SSC5D: variants seen among roughly 807,000 people sequenced by gnomAD.
SSC5D encodes soluble scavenger receptor cysteine-rich domain-containing protein SSC5D.
Under a neutral mutation model 104.6 loss-of-function variants are expected in SSC5D, and 106 were observed. The observed-to-expected ratio is 1.01, with a 90% confidence interval of 0.87 to 1.19. The LOEUF is 1.19. Among genes scored for constraint, SSC5D ranks in the 50% most tolerant of loss-of-function variants. The pLI is 0.00. For missense variants in SSC5D, 1,993 were observed against 2,153.8 expected, an observed-to-expected ratio of 0.93 and a Z score of 1.48; for synonymous variants, 860 against 883.5, an observed-to-expected ratio of 0.97 and a Z score of 0.47.
At chr19:55,498,343 CATA>C (rs1008089419) in intron 9 of SSC5D, 146 bp downstream of exon 9, 8 of 826,054 alleles carry the variant, frequency 9.7e-6, no homozygotes, top group African/African-American at 5.1e-5. Flanking sequence ...ATTGAAATCA[CATA>C]ATAAGTCTAG....
intron 12 of SSC5D, among the ~76,000 whole-genome samples, chr19:55,504,596 G>A (rs1187131221): frequency 1.3e-5 from 2 of 152,196 alleles, no homozygotes; most frequent in African/African-American, 4.8e-5. Flanking sequence ...TGCCTCCCAG[G>A]TTTAAACGAT....
Position 55,501,176 on chromosome 19 carries a change from A to G in SSC5D, c.2760A>G (p.Pro920=). The G allele has an allele frequency of 1.3e-6, 2 of 1,540,254 alleles. No individual in the cohort carries two copies. The highest frequency in any genetic ancestry group is 1.8e-6 in the Non-Finnish European group (2 of 1,142,312). The change falls in exon 12 of 14, where the codon CCA becomes CCG. Residue 920 remains proline, a synonymous_variant. Transcript: ENST00000389623. The part of the protein sequence containing the change: ...RTTRRPGSSS[P]AIRRLPDTGS... Reference sequence around the variant, plus strand: ...CCCGGCGCCCGGGTAGCTCCTCCCCAGCAATAAGGCGCCTGCCGGACACAG... The same window carrying G: ...CCCGGCGCCCGGGTAGCTCCTCCCCGGCAATAAGGCGCCTGCCGGACACAG...
intron 6 of SSC5D, chr19:55,492,014 C>T (rs1335497429): frequency 4.6e-5 from 7 of 152,722 alleles, no homozygotes; most frequent in Admixed American, 3.9e-4. Context: ...CAGTGGGTAT[C>T]CAGGGGGGAG....
chr19:55,498,336 G>A (rs1987383772), intron 9 of SSC5D, 139 bp downstream of exon 9: 2 of 850,510 alleles, frequency 2.4e-6, no homozygotes, highest in African/African-American at 1.7e-5. Flanking sequence ...TAACCACATT[G>A]AAATCACATA....
Position 55,518,530 on chromosome 19 carries a change from C to G in SSC5D, c.4254C>G (p.Pro1418=). Residue 1418 remains proline, a synonymous_variant, in exon 14 of 14, where the codon CCC becomes CCG. Transcript: ENST00000389623. ...TCAAGCCACCCAGAAGCCAGAGCCCCAACCTAACCCCTCCACCCACCCATA... is the reference window on the plus strand; with the variant it reads ...TCAAGCCACCCAGAAGCCAGAGCCCGAACCTAACCCCTCCACCCACCCATA... ...EDFKPPRSQS[P]NLTPPPTHTP... 1 of 1,550,428 alleles carries G rather than the reference C, an allele frequency of 6.4e-7. No individual in the cohort carries two copies. The highest frequency in any genetic ancestry group is 8.7e-7 in the Non-Finnish European group (1 of 1,146,710).
At chr19:55,497,732 C>A in intron 8 of SSC5D, 148 bp from the exon 9 acceptor site, 1 of 798,132 alleles carries the variant, frequency 1.3e-6, no homozygotes, top group Non-Finnish European at 1.9e-6. Flanking sequence ...TCATGAAATA[C>A]TTGCTGCCTG....
chr19:55,495,576 GTTA>G (rs369287304), intron 8 of SSC5D, among the ~76,000 whole-genome samples: 2 of 151,530 alleles, frequency 1.3e-5, no homozygotes, highest in African/African-American at 4.8e-5. Flanking sequence ...AAATATAGGT[GTTA>G]TTATTACTGA....
chr19:55,518,559 C>T lies in SSC5D; in HGVS notation c.4283C>T (p.Pro1428Leu). The T allele has an allele frequency of 6.5e-7, 1 of 1,548,274 alleles. No homozygotes were observed. Among genetic ancestry groups the T allele is most frequent in the Non-Finnish European group, 8.7e-7 (1 of 1,145,364 alleles). The change falls in exon 14 of 14, where the codon CCA (proline) becomes CTA (leucine). Residue 1428 changes from proline to leucine, a missense_variant. Pro to Leu is a moderately conservative substitution (Grantham distance 98, BLOSUM62 -3). Coordinates refer to ENST00000389623, the MANE Select transcript of SSC5D (RefSeq NM_001144950.2). ...PNLTPPPTHTPHSASDLTVSP... is the reference protein window; with the variant it reads ...PNLTPPPTHTLHSASDLTVSP... ...CTAACCCCTCCACCCACCCATACCC[C>T]ACACTCAGCCTCTGACCTTACTGTG...
chr19:55,500,164 C>A lies in SSC5D; in HGVS notation c.2054C>A (p.Thr685Asn). 1 of 1,551,520 alleles carries A rather than the reference C, an allele frequency of 6.4e-7. No homozygotes were observed. Among genetic ancestry groups the A allele is most frequent in the Non-Finnish European group, 8.7e-7 (1 of 1,146,898 alleles). ...ACCTCTGAGTTTACCAGAAGGCCGA[C>A]CACGGAGGCCCCCCAGAGATGGACC... ...RPTSEFTRRPTTEAPQRWTSH... is the reference protein window; with the variant it reads ...RPTSEFTRRPNTEAPQRWTSH... Residue 685 changes from threonine to asparagine, a missense_variant, in exon 10 of 14, where the codon ACC becomes AAC. Physicochemically the swap from Thr to Asn is moderately conservative, Grantham distance 65. Coordinates refer to ENST00000389623, the MANE Select transcript of SSC5D (RefSeq NM_001144950.2). The surrounding 1 kb of genome is among the most constrained non-coding windows in gnomAD (Gnocchi z 4.6).
rs1987894871 is a variant in SSC5D at position 55,517,334 on chromosome 19, C to T, written c.3058C>T (p.Pro1020Ser). 1 of 1,550,184 alleles carries T rather than the reference C, an allele frequency of 6.5e-7. No homozygotes were observed. Among genetic ancestry groups the T allele is most frequent in the Non-Finnish European group, 8.7e-7 (1 of 1,146,910 alleles). The change falls in exon 14 of 14, where the codon CCA (proline) becomes TCA (serine). Residue 1020 changes from proline to serine, a missense_variant. Physicochemically the swap from Pro to Ser is moderately conservative, Grantham distance 74. Transcript: ENST00000389623. ...CTCCGCCTCTCCGGGACCCCCAGGC[C>T]CAGCGCTGACCTCTGACTCCAGTCG... ...GPSASPGPPG[P>S]ALTSDSSREL...
At position 55,493,647 on chromosome 19, in the gene SSC5D, C is replaced by A. The variant is rs1488784302; in HGVS notation, c.948C>A (p.Arg316=). 1.3e-6 allele frequency: 2 copies of A among 1,501,532 alleles called. No individual in the cohort carries two copies. Among genetic ancestry groups the A allele is most frequent in the East Asian group, 5.2e-5 (2 of 38,682 alleles). The allele number at this position is 1,501,532 out of a possible 1,614,324, so 93.0% of individuals were successfully genotyped here. ...ATGGCCCCCACGGGTGCGCCGGCCG[C>A]CTGGAGGTCTGGCACGGGGGTCGCT... ...LADGPHGCAG[R]LEVWHGGRWG... The change falls in exon 7 of 14, where the codon CGC becomes CGA. Residue 316 remains arginine, a synonymous_variant. Coordinates refer to ENST00000389623, the MANE Select transcript of SSC5D (RefSeq NM_001144950.2).
At chr19:55,489,069 C>CG in intron 2 of SSC5D, 37 bp downstream of exon 2, 1 of 1,085,962 alleles carries the variant, frequency 9.2e-7, no homozygotes, top group African/African-American at 1.7e-5. Context: ...CCCGCCCCCC[C>CG]CCCCAGGCCT....
At chr19:55,516,795 T>G (rs575903331) in intron 13 of SSC5D, among the ~76,000 whole-genome samples, 7 of 152,310 alleles carry the variant, frequency 4.6e-5, no homozygotes, top group African/African-American at 1.7e-4. Flanking sequence ...ACATTACCCT[T>G]CGGAGCCCTC....
At chr19:55,502,947 C>G (rs750226038) in intron 12 of SSC5D, among the ~76,000 whole-genome samples, 6 of 152,206 alleles carry the variant, frequency 3.9e-5, no homozygotes, top group Non-Finnish European at 5.9e-5. Context: ...TCCTGAATAG[C>G]TGGGATTACA....
Position 55,518,355 on chromosome 19 carries a change from C to G in SSC5D, c.4079C>G (p.Pro1360Arg). 1.3e-6 allele frequency: 2 copies of G among 1,550,806 alleles called. No individual in the cohort carries two copies. Among genetic ancestry groups the G allele is most frequent in the Non-Finnish European group, 1.7e-6 (2 of 1,146,836 alleles). ...SSPTLAPTVK[P>R]SLHPQLTFTA... Reference sequence around the variant, plus strand: ...CCCACTCTAGCACCAACAGTCAAGCCCAGTCTGCACCCCCAGTTGACCTTC... The same window carrying G: ...CCCACTCTAGCACCAACAGTCAAGCGCAGTCTGCACCCCCAGTTGACCTTC... The change falls in exon 14 of 14, where the codon CCC (proline) becomes CGC (arginine). Residue 1360 changes from proline to arginine, a missense_variant. Physicochemically the swap from Pro to Arg is moderately radical, Grantham distance 103. Around this residue, in one of 6 missense-constraint regions of SSC5D, gnomAD observed 349 missense variants for 397.6 expected, o/e 0.88. Transcript: ENST00000389623.
In SSC5D at chr19:55,493,846, T is replaced by G; in HGVS notation, c.1147T>G (p.Cys383Gly). ...CRGNETALRF[C>G]PARPWGQHDC... ...GGGAAACGAGACGGCCTTACGATTCTGCCCAGCTCGGCCCTGGGGCCAGCA... is the reference window on the plus strand; with the variant it reads ...GGGAAACGAGACGGCCTTACGATTCGGCCCAGCTCGGCCCTGGGGCCAGCA... Residue 383 changes from cysteine (C) to glycine (G), a missense_variant, in exon 7 of 14, where the codon TGC becomes GGC. By Grantham distance (159) the Cys-to-Gly change is radical. Around this residue, in one of 6 missense-constraint regions of SSC5D, gnomAD observed 1,101 missense variants for 1,085.0 expected, o/e 1.01. Transcript: ENST00000389623. 1 of 1,549,346 alleles carries G rather than the reference T, an allele frequency of 6.5e-7. No individual in the cohort carries two copies. The highest frequency in any genetic ancestry group is 8.7e-7 in the Non-Finnish European group (1 of 1,146,640).
intron 13 of SSC5D, among the ~76,000 whole-genome samples, chr19:55,514,406 A>AAATAATAAT (rs55837985): frequency 1.0e-5 from 1 of 99,578 alleles, no homozygotes; most frequent in Non-Finnish European, 1.9e-5. Flanking sequence ...CTCTGTCTCA[A>AAATAATAAT]AATAATAATA....
rs1259439661 is a variant in SSC5D at position 55,493,816 on chromosome 19, T to C, written c.1117T>C (p.Cys373Arg). ...SGPIILDDLR[C>R]RGNETALRFC... ...ACCCATCATCCTGGACGACCTTCGGTGTCGGGGAAACGAGACGGCCTTACG... is the reference window on the plus strand; with the variant it reads ...ACCCATCATCCTGGACGACCTTCGGCGTCGGGGAAACGAGACGGCCTTACG... The change falls in exon 7 of 14, where the codon TGT becomes CGT. Residue 373 changes from cysteine to arginine, a missense_variant. By Grantham distance (180) the Cys-to-Arg change is radical. This residue lies in a region of SSC5D where 1,101 missense variants were observed against 1,085.0 expected (regional missense o/e 1.01). Transcript: ENST00000389623. 7 of 1,548,604 alleles carry C rather than the reference T, an allele frequency of 4.5e-6. No homozygotes were observed. The Admixed American group carries it at 1.2e-4, about 26-fold the overall frequency.
chr19:55,496,727 T>C (rs1307637040), intron 8 of SSC5D, among the ~76,000 whole-genome samples: 1 of 150,748 alleles, frequency 6.6e-6, no homozygotes, highest in Non-Finnish European at 1.5e-5. Context: ...ATACATGACA[T>C]AAAGTTTACC....
Sources: allele counts gnomAD v4.1 joint callset (sites outside exome capture counted in the v4.1 genomes callset), GRCh38; gene constraint gnomAD v4.1.1; regional missense constraint gnomAD v4.1.1; non-coding constraint Gnocchi (gnomAD v3.1); transcripts MANE v1.5; gene names NCBI Gene and HGNC (gene_info 2026-07-23, HGNC 2026-07-21).